The following NOP10 variants were observed in gnomAD, a reference collection of about 807,000 sequenced individuals.
NOP10 encodes the protein H/ACA ribonucleoprotein complex subunit 3.
A neutral mutation model predicts 9.5 loss-of-function variants in NOP10; 6 were observed. The ratio of observed to expected loss-of-function variants is 0.63; its 90% confidence interval spans 0.35 to 1.25. The LOEUF (loss-of-function observed/expected upper bound fraction) is 1.25. Among genes scored for constraint, NOP10 ranks in the 50% most tolerant of loss-of-function variants. The pLI is 0.03. For synonymous variants in NOP10, 28 were observed against 30.7 expected (o/e 0.91, Z 0.29); for missense variants, 75 against 81.3 (o/e 0.92, Z 0.30).
rs1013208714 is a variant in NOP10 at position 34,341,913 on chromosome 15, T to C, written c.*55A>G. 24 of 1,590,566 alleles carry C rather than the reference T, an allele frequency of 1.5e-5. No homozygotes were observed. Among genetic ancestry groups the C allele is most frequent in the Non-Finnish European group, 2.1e-5 (24 of 1,161,510 alleles). On this transcript the variant is annotated 3_prime_UTR_variant, in exon 2 of 2. Transcript: ENST00000328848. ...GGGCTCACAGTCCGAAGAGTTTGGT[T>C]ACGGAGTCTCCGAGGGGTAACAGGT...
At position 34,341,888 on chromosome 15, in the gene NOP10, G is replaced by A. The variant is rs983946861; in HGVS notation, c.*80C>T. 217 of 1,463,940 alleles carry A rather than the reference G, an allele frequency of 1.5e-4. No homozygotes were observed. In the East Asian group the frequency reaches 2.1e-3, roughly 14 times the overall value. The allele number at this position is 1,463,940 out of a possible 1,614,324, so 90.7% of individuals were successfully genotyped here. ...GAGTATGGCTGGCAAAAAGGCATCA[G>A]GGCTCACAGTCCGAAGAGTTTGGTT... On this transcript the variant is annotated 3_prime_UTR_variant, in exon 2 of 2. Coordinates refer to ENST00000328848, the MANE Select transcript of NOP10 (RefSeq NM_018648.4).
chr15:34,342,781 A>C (rs1212705918), intron 1 of NOP10, among the ~76,000 whole-genome samples: 1 of 151,978 alleles, frequency 6.6e-6, no homozygotes, highest in Non-Finnish European at 1.5e-5. Context: ...TCCTGAGCTA[A>C]GGCAATCCAC....
chr15:34,342,149 T>C (rs201645774), intron 1 of NOP10, 41 bp from the exon 2 acceptor site: 1 of 1,601,118 alleles, frequency 6.2e-7, no homozygotes, highest in Non-Finnish European at 8.6e-7. Flanking sequence ...ACAGGAGTGA[T>C]GAAATGGGGT....
At position 34,343,093 on chromosome 15, in the gene NOP10, G is replaced by A; in HGVS notation, c.-20C>T. 1.2e-6 allele frequency: 2 copies of A among 1,613,950 alleles called. No individual in the cohort carries two copies. Among genetic ancestry groups the A allele is most frequent in the Non-Finnish European group, 1.7e-6 (2 of 1,179,830 alleles). ...AAACATGATCGCTTATAAGCCAGCG[G>A]TCCCAATTCGGTCCACCGCTCAGTC... On this transcript the variant is annotated 5_prime_UTR_variant, in exon 1 of 2. Coordinates refer to ENST00000328848, the MANE Select transcript of NOP10 (RefSeq NM_018648.4).
rs72720799 is a variant in NOP10, at chr15:34,342,117, G to A, written c.55-9C>T. Reference sequence around the variant, plus strand: ...CCCATCGGGTCAAATTTCTGCTCCAGGAACACAGAATGTATGTCAGTACAG... The same window carrying A: ...CCCATCGGGTCAAATTTCTGCTCCAAGAACACAGAATGTATGTCAGTACAG... On this transcript the variant is annotated splice_polypyrimidine_tract_variant and intron_variant, in intron 1 of 1. Transcript: ENST00000328848. 1,119 of 1,613,988 alleles carry A rather than the reference G, an allele frequency of 6.9e-4. 1 individual carries two copies. Among genetic ancestry groups the A allele is most frequent in the Non-Finnish European group, 9.3e-4 (1,095 of 1,179,930 alleles).
rs773321163 is a variant in NOP10 at position 34,342,991 on chromosome 15, C to A, written c.54+29G>T. On this transcript the variant is annotated intron_variant, in intron 1 of 1. Coordinates refer to ENST00000328848, the MANE Select transcript of NOP10 (RefSeq NM_018648.4). ...CCTCCCATCTACATTTCTCGCCATG[C>A]CTATTTACACCCTGTTTTCTCTCCT... 10 of 1,602,628 alleles carry A rather than the reference C, an allele frequency of 6.2e-6. No individual in the cohort carries two copies. The Middle Eastern group carries it at 8.3e-4, about 133-fold the overall frequency.
chr15:34,342,887 C>T, intron 1 of NOP10, 133 bp downstream of exon 1: 2 of 877,662 alleles, frequency 2.3e-6, no homozygotes, highest in Non-Finnish European at 3.9e-6. Flanking sequence ...CGCGCGGTCC[C>T]GGTTCTTCCC....
At chr15:34,342,539 A>C (rs1354370338) in intron 1 of NOP10, among the ~76,000 whole-genome samples, 1 of 145,172 alleles carries the variant, frequency 6.9e-6, no homozygotes. Flanking sequence ...ACTACAGCCT[A>C]GGCAACAAAG....
At chr15:34,342,147 G>C in intron 1 of NOP10, 39 bp from the exon 2 acceptor site, 1 of 1,605,640 alleles carries the variant, frequency 6.2e-7, no homozygotes, top group Non-Finnish European at 8.5e-7. Context: ...GTACAGGAGT[G>C]ATGAAATGGG....
intron 1 of NOP10, 30 bp downstream of exon 1, chr15:34,342,990 G>C: frequency 6.3e-7 from 1 of 1,599,564 alleles, no homozygotes; most frequent in Middle Eastern, 1.7e-4. Context: ...TTCTCGCCAT[G>C]CCTATTTACA....
chr15:34,343,129 C>A lies in NOP10; in HGVS notation c.-56G>T. 2.3e-5 allele frequency: 35 copies of A among 1,513,354 alleles called. No individual in the cohort carries two copies. The highest frequency in any genetic ancestry group is 3.2e-5 in the Non-Finnish European group (35 of 1,087,996). The allele number at this position is 1,513,354 out of a possible 1,614,324, so 93.7% of individuals were successfully genotyped here. On this transcript the variant is annotated 5_prime_UTR_variant, in exon 1 of 2. Transcript: ENST00000328848. Reference sequence around the variant, plus strand: ...GTCCACCGCTCAGTCTGCAGTGGTCCGCCCGACCGCGTCACGTGTTCGTCA... The same window carrying A: ...GTCCACCGCTCAGTCTGCAGTGGTCAGCCCGACCGCGTCACGTGTTCGTCA...
In NOP10 at chr15:34,341,869, G is replaced by GCCCT. The variant is rs1890481677; in HGVS notation, c.*98_*99insAGGG. ...CGAGAGACTGGATGCCAAAGAGTATGGCTGGCAAAAAGGCATCAGGGCTCA... is the reference window on the plus strand; with the variant it reads ...CGAGAGACTGGATGCCAAAGAGTATGCCCTGCTGGCAAAAAGGCATCAGGGCTCA... On this transcript the variant is annotated 3_prime_UTR_variant, in exon 2 of 2. Transcript: ENST00000328848. 3 of 1,231,412 alleles carry GCCCT rather than the reference G, an allele frequency of 2.4e-6. No individual in the cohort carries two copies. The highest frequency in any genetic ancestry group is 1.9e-5 in the Admixed American group (1 of 52,940). The allele number at this position is 1,231,412 out of a possible 1,614,324, so 76.3% of individuals were successfully genotyped here.
chr15:34,342,976 A>G, intron 1 of NOP10, 44 bp downstream of exon 1: 39 of 1,569,686 alleles, frequency 2.5e-5, no homozygotes, highest in Non-Finnish European at 3.4e-5. Flanking sequence ...CCTCCCATCT[A>G]CATTTCTCGC....
At position 34,342,064 on chromosome 15, in the gene NOP10, A is replaced by T; in HGVS notation, c.99T>A (p.Ala33=). 6.2e-7 allele frequency: 1 copy of T among 1,614,138 alleles called. No homozygotes were observed. The highest frequency in any genetic ancestry group is 2.2e-5 in the East Asian group (1 of 44,880). ...AGTATTTGTCATCTGGGGAGAACCGAGCAGGATGGGCTGAGCAGGTCTGTT... is the reference window on the plus strand; with the variant it reads ...AGTATTTGTCATCTGGGGAGAACCGTGCAGGATGGGCTGAGCAGGTCTGTT... The part of the protein sequence containing the change: ...MGQQTCSAHP[A]RFSPDDKYSR... Residue 33 remains alanine (A), a synonymous_variant, in exon 2 of 2, where the codon GCT becomes GCA. Transcript: ENST00000328848.
At position 34,343,130 on chromosome 15, in the gene NOP10, G is replaced by T; in HGVS notation, c.-57C>A. On this transcript the variant is annotated 5_prime_UTR_variant, in exon 1 of 2. Transcript: ENST00000328848. ...TCCACCGCTCAGTCTGCAGTGGTCCGCCCGACCGCGTCACGTGTTCGTCAA... is the reference window on the plus strand; with the variant it reads ...TCCACCGCTCAGTCTGCAGTGGTCCTCCCGACCGCGTCACGTGTTCGTCAA... The T allele has an allele frequency of 1.3e-6, 2 of 1,512,686 alleles. No individual in the cohort carries two copies. The highest frequency in any genetic ancestry group is 1.8e-6 in the Non-Finnish European group (2 of 1,087,382). 93.7% of individuals were successfully genotyped at this position (1,512,686 alleles called of 1,614,324 possible). A position where few individuals can be genotyped will look rare whatever the true frequency, so the allele number is the denominator to read the frequency against.
rs1555393912 is a variant in NOP10, at chr15:34,343,115, A to T, written c.-42T>A. The stretch of plus-strand genomic sequence containing the variant: ...GCGGTCCCAATTCGGTCCACCGCTC[A>T]GTCTGCAGTGGTCCGCCCGACCGCG... On this transcript the variant is annotated 5_prime_UTR_variant, in exon 1 of 2. Transcript: ENST00000328848. 2.5e-6 allele frequency: 4 copies of T among 1,594,622 alleles called. No individual in the cohort carries two copies. Among genetic ancestry groups the T allele is most frequent in the Non-Finnish European group, 3.4e-6 (4 of 1,162,254 alleles).
chr15:34,342,582 A>G (rs1332280559), intron 1 of NOP10, among the ~76,000 whole-genome samples: 2 of 151,026 alleles, frequency 1.3e-5, no homozygotes, highest in African/African-American at 2.4e-5. Flanking sequence ...AAAAAAAAAA[A>G]AAAAAGGAAA....
At chr15:34,342,930 C>G (rs1396900596) in intron 1 of NOP10, 90 bp downstream of exon 1, 1 of 1,233,342 alleles carries the variant, frequency 8.1e-7, no homozygotes, top group African/African-American at 1.5e-5. Context: ...GTTCCCCGCA[C>G]CCAGCTAGGT....
chr15:34,342,505 A>AG (rs1479226129), intron 1 of NOP10, among the ~76,000 whole-genome samples: 2 of 147,068 alleles, frequency 1.4e-5, no homozygotes, highest in African/African-American at 5.0e-5. Context: ...CGGAGGTTGC[A>AG]GTGAGCCGAG....
Sources: allele counts gnomAD v4.1 joint callset (sites outside exome capture counted in the v4.1 genomes callset), GRCh38; gene constraint gnomAD v4.1.1; transcripts MANE v1.5; gene names NCBI Gene and HGNC (gene_info 2026-07-23, HGNC 2026-07-21).